Variants in FAM13A observed in about 807,000 individuals in gnomAD.
The protein encoded by FAM13A is protein FAM13A.
Under a neutral mutation model 129.6 loss-of-function variants are expected in FAM13A, and 76 were observed. That is an observed-to-expected ratio of 0.59 (90% CI 0.49 to 0.71). The LOEUF (loss-of-function observed/expected upper bound fraction) is 0.71. Ranked by LOEUF, FAM13A falls within the 30% of genes least tolerant of loss-of-function variation. FAM13A has a pLI of 0.00. For missense variants in FAM13A, 1,108 were observed against 1,249.3 expected (o/e 0.89, Z 1.70); for synonymous variants, 443 against 449.9 (o/e 0.98, Z 0.20).
chr4:88,910,305 A>G (rs1294875733), intron 5 of FAM13A, among the ~76,000 whole-genome samples: 1 of 152,192 alleles, frequency 6.6e-6, no homozygotes, highest in East Asian at 1.9e-4. Flanking sequence ...GTGTCATGGT[A>G]TCATGAGAAC....
rs1745929019 is a variant in FAM13A at position 88,767,607 on chromosome 4, G to C, written c.1536-12C>G. On this transcript the variant is annotated splice_polypyrimidine_tract_variant and intron_variant, in intron 12 of 23. Coordinates refer to ENST00000264344, the MANE Select transcript of FAM13A (RefSeq NM_014883.4). ...TTTCATTTCCTTTCCTATAAATAAT[G>C]GCAACAACAAAAAAATCATAAAATA... 1 of 1,582,534 alleles carries C rather than the reference G, an allele frequency of 6.3e-7. No individual in the cohort carries two copies.
Position 89,029,631 on chromosome 4 carries a change from G to T in FAM13A, c.46C>A (p.Arg16=). The T allele has an allele frequency of 6.3e-7, 1 of 1,577,668 alleles. No individual in the cohort carries two copies. Among genetic ancestry groups the T allele is most frequent in the Non-Finnish European group, 8.6e-7 (1 of 1,168,584 alleles). Residue 16 remains arginine (R), a synonymous_variant, in exon 2 of 24, where the codon CGG becomes AGG. Transcript: ENST00000264344. ...ATCTTTTTCATGTCTTCTTTCAGCC[G>T]AACCGCTGCTTTACTTTGCTTAAAG... ...LAICQSKAAV[R]LKEDMKKIVA...
intron 7 of FAM13A, among the ~76,000 whole-genome samples, chr4:88,831,125 G>A (rs57400569): frequency 0.22 from 33,912 of 152,040 alleles, 4,579 homozygotes; most frequent in East Asian, 0.58. Flanking sequence ...CCACAGTTTT[G>A]CCAGATGGAC....
chr4:88,973,316 T>C (rs914759846), intron 4 of FAM13A, among the ~76,000 whole-genome samples: 1 of 152,134 alleles, frequency 6.6e-6, no homozygotes. Context: ...TATACCACAG[T>C]AATTGGATAT....
At chr4:88,830,016 G>T (rs530455268) in intron 7 of FAM13A, among the ~76,000 whole-genome samples, 1 of 152,256 alleles carries the variant, frequency 6.6e-6, no homozygotes, top group Non-Finnish European at 1.5e-5. Flanking sequence ...ATTTATATGT[G>T]TGTGTGCGCA....
chr4:88,930,707 T>C (rs544904149), intron 5 of FAM13A, among the ~76,000 whole-genome samples: 36 of 152,104 alleles, frequency 2.4e-4, no homozygotes, highest in Non-Finnish European at 4.6e-4. Context: ...GTGAGAGTAT[T>C]GGGCTACATG....
At chr4:88,982,075 C>A (rs1761720834) in intron 4 of FAM13A, among the ~76,000 whole-genome samples, 1 of 152,170 alleles carries the variant, frequency 6.6e-6, no homozygotes, top group Non-Finnish European at 1.5e-5. Flanking sequence ...CTGGTGGAAG[C>A]AGATTGGTCT....
intron 6 of FAM13A, among the ~76,000 whole-genome samples, chr4:88,878,287 CAAAAAAAAAAAAA>C (rs56067813): frequency 6.6e-5 from 4 of 61,062 alleles, no homozygotes; most frequent in Admixed American, 2.6e-4. Flanking sequence ...GACTCCATCT[CAAAAAAAAAAAAA>C]AAAAAAAAAA....
At chr4:88,830,254 A>C (rs1733681320) in intron 7 of FAM13A, among the ~76,000 whole-genome samples, 2 of 152,184 alleles carry the variant, frequency 1.3e-5, no homozygotes, top group African/African-American at 4.8e-5. Context: ...CTCTTTAAAA[A>C]ACTAATGTAT....
intron 4 of FAM13A, among the ~76,000 whole-genome samples, chr4:88,981,905 C>A (rs1350961563): frequency 6.6e-6 from 1 of 152,176 alleles, no homozygotes. Flanking sequence ...TTGCCATATC[C>A]CATGCCTCTG....
chr4:88,837,423 TAGTC>T, intron 7 of FAM13A, among the ~76,000 whole-genome samples: 1 of 151,972 alleles, frequency 6.6e-6, no homozygotes, highest in Non-Finnish European at 1.5e-5. Context: ...TTTAAGAATA[TAGTC>T]AGCCTTTGCC....
rs376617936 is a variant in FAM13A at position 88,869,866 on chromosome 4, C to T, written c.844-18683G>A. Among the ~76,000 whole-genome samples the T allele has an allele frequency of 3.9e-5, 6 of 152,282 alleles. No homozygotes were observed. The East Asian group carries it at 9.6e-4, about 24-fold the overall frequency. ...ATGACTGCATGAAAAGACGAAAGGACTAACATGGTGAATTATTCAGAACAT... is the reference window on the plus strand; with the variant it reads ...ATGACTGCATGAAAAGACGAAAGGATTAACATGGTGAATTATTCAGAACAT... On this transcript the variant is annotated intron_variant, in intron 6 of 23. Coordinates refer to ENST00000264344, the MANE Select transcript of FAM13A (RefSeq NM_014883.4).
At chr4:88,908,599 T>G (rs928006698) in intron 5 of FAM13A, among the ~76,000 whole-genome samples, 2 of 152,244 alleles carry the variant, frequency 1.3e-5, no homozygotes, top group Admixed American at 6.5e-5. Flanking sequence ...CTTTTTCCTA[T>G]AAGACTCTGA....
intron 5 of FAM13A, among the ~76,000 whole-genome samples, chr4:88,916,509 G>A (rs1175992836): frequency 2.0e-5 from 3 of 152,106 alleles, no homozygotes; most frequent in Non-Finnish European, 4.4e-5. Flanking sequence ...GCTTTCCTTC[G>A]ATCATCTAAC....
At chr4:89,001,723 C>G (rs901377575) in intron 3 of FAM13A, among the ~76,000 whole-genome samples, 2 of 152,098 alleles carry the variant, frequency 1.3e-5, no homozygotes, top group African/African-American at 4.8e-5. Flanking sequence ...CAACACAATA[C>G]AGATGGCATC....
At chr4:88,851,330 T>C in intron 6 of FAM13A, 147 bp from the exon 7 acceptor site, 1 of 654,266 alleles carries the variant, frequency 1.5e-6, no homozygotes, top group Non-Finnish European at 2.5e-6. Flanking sequence ...AAAAATTAAA[T>C]TTAAACTACA....
chr4:88,873,651 A>G (rs1741832385), intron 6 of FAM13A, among the ~76,000 whole-genome samples: 1 of 152,248 alleles, frequency 6.6e-6, no homozygotes, highest in African/African-American at 2.4e-5. Flanking sequence ...AATAATTAAT[A>G]GCCTACCAAC....
chr4:88,920,909 A>C (rs1329143440), intron 5 of FAM13A, among the ~76,000 whole-genome samples: 1 of 152,220 alleles, frequency 6.6e-6, no homozygotes, highest in African/African-American at 2.4e-5. Context: ...AGAATGTAGA[A>C]GCCTCAGGAG....
At chr4:89,050,327 T>C (rs770270142) in intron 1 of FAM13A, among the ~76,000 whole-genome samples, 1 of 152,068 alleles carries the variant, frequency 6.6e-6, no homozygotes, top group Non-Finnish European at 1.5e-5. Context: ...ATCAGCTTCC[T>C]GAGAAGCTGG....
Sources: gnomAD v4.1 joint callset for allele counts (sites outside exome capture counted in the v4.1 genomes callset) on GRCh38, gnomAD v4.1.1 for gene constraint, MANE v1.5 for transcripts, NCBI Gene and HGNC (gene_info 2026-07-23, HGNC 2026-07-21) for gene names.